DENND4A: variants seen among roughly 807,000 people sequenced by gnomAD.
DENND4A encodes DENN domain containing 4A.
Under a neutral mutation model 199.3 loss-of-function variants are expected in DENND4A, and 70 were observed. That is an observed-to-expected ratio of 0.35 (90% CI 0.29 to 0.43). The LOEUF is 0.43. DENND4A is among the 20% of genes least tolerant of loss of function. DENND4A has a pLI of 1.00. For missense variants in DENND4A, 1,723 were observed against 2,255.8 expected (o/e 0.76, Z 4.78); for synonymous variants, 686 against 766.9 (o/e 0.89, Z 1.74).
In DENND4A at chr15:65,772,074, T is replaced by C. The variant is rs574098349; in HGVS notation, c.-101-10636A>G. The C allele has an allele frequency of 3.5e-5, 42 of 1,194,408 alleles. No homozygotes were observed. In the South Asian group the frequency reaches 3.8e-4, roughly 11 times the overall value. The allele number at this position is 1,194,408 out of a possible 1,614,324, so 74.0% of individuals were successfully genotyped here. ...CAGGAAACGCTGGGCCTTCTCGCGG[T>C]TGCCAGCATTCAGAGCCTCCTGGAC... On this transcript the variant is annotated intron_variant, in intron 1 of 32. Transcript: ENST00000443035.
In DENND4A at chr15:65,702,322, T is replaced by C. The variant is rs370095789; in HGVS notation, c.2413A>G (p.Met805Val). The C allele has an allele frequency of 5.8e-6, 9 of 1,551,842 alleles. No homozygotes were observed. The African/African-American group carries it at 9.6e-5, about 17-fold the overall frequency. The change falls in exon 17 of 33, where the codon ATG (methionine) becomes GTG (valine). Residue 805 changes from methionine (M) to valine (V), a missense_variant. Physicochemically the swap from Met to Val is conservative, Grantham distance 21 (BLOSUM62 1). Coordinates refer to ENST00000443035, the MANE Select transcript of DENND4A (RefSeq NM_001320835.1). ...ATTGTTACCTCATCAGGTGGATCCA[T>C]CTTCTTTGACTGCATTTTTTTAAGC... ...DVLKKMQSKK[M>V]DPPDEVCYRI...
chr15:65,720,778 A>T (rs1434087411), intron 12 of DENND4A, among the ~76,000 whole-genome samples: 1 of 151,398 alleles, frequency 6.6e-6, no homozygotes, highest in South Asian at 2.1e-4. Context: ...AAGCTACTAT[A>T]CGCCTCCTTC....
chr15:65,779,221 C>T (rs1381305151), intron 1 of DENND4A, among the ~76,000 whole-genome samples: 4 of 151,998 alleles, frequency 2.6e-5, no homozygotes, highest in Non-Finnish European at 5.9e-5. Context: ...TTTGGGAGGC[C>T]GAGGCGCGTG....
chr15:65,772,228 A>G, intron 1 of DENND4A: 1 of 587,320 alleles, frequency 1.7e-6, no homozygotes, highest in East Asian at 2.9e-5. Context: ...TAGAGACAGG[A>G]AATCATGACT....
chr15:65,773,618 C>T (rs1018537601), intron 1 of DENND4A, among the ~76,000 whole-genome samples: 8 of 152,122 alleles, frequency 5.3e-5, no homozygotes, highest in Admixed American at 2.0e-4. Flanking sequence ...CATTTCCTTC[C>T]TGGACAGTAT....
At position 65,670,142 on chromosome 15, in the gene DENND4A, A is replaced by G; in HGVS notation, c.4511T>C (p.Val1504Ala). ...GCCAGCCATGATTTCCTCATCATGGACAAGACAATCACAAGTTCTACACCG... is the reference window on the plus strand; with the variant it reads ...GCCAGCCATGATTTCCTCATCATGGGCAAGACAATCACAAGTTCTACACCG... ...CSRCRTCDCL[V>A]HDEEIMAGWT... The change falls in exon 26 of 33, where the codon GTC becomes GCC. Residue 1504 changes from valine to alanine, a missense_variant. Transcript: ENST00000443035. 1 of 1,591,730 alleles carries G rather than the reference A, an allele frequency of 6.3e-7. No homozygotes were observed. Among genetic ancestry groups the G allele is most frequent in the Non-Finnish European group, 8.6e-7 (1 of 1,168,386 alleles).
At chr15:65,700,738 C>T (rs2074839836) in intron 19 of DENND4A, 63 bp from the exon 20 acceptor site, 2 of 1,423,054 alleles carry the variant, frequency 1.4e-6, no homozygotes, top group Admixed American at 6.0e-5. Context: ...TAATTTGTTG[C>T]TCAAGCTAAT....
intron 12 of DENND4A, 140 bp from the exon 13 acceptor site, chr15:65,718,136 T>TA: frequency 3.1e-6 from 2 of 638,298 alleles, no homozygotes; most frequent in Non-Finnish European, 5.2e-6. Flanking sequence ...ACGTAAACCT[T>TA]AGCAAAGCTT....
At chr15:65,680,356 C>T (rs1596411685) in intron 23 of DENND4A, among the ~76,000 whole-genome samples, 2 of 152,176 alleles carry the variant, frequency 1.3e-5, no homozygotes, top group South Asian at 2.1e-4. Flanking sequence ...TCTTTCATTG[C>T]TTTGATGGAT....
chr15:65,748,749 G>T (rs573412749), intron 4 of DENND4A, among the ~76,000 whole-genome samples: 2 of 151,948 alleles, frequency 1.3e-5, no homozygotes, highest in Non-Finnish European at 2.9e-5. Context: ...CAGCACTTTG[G>T]GGGACTGAAG....
intron 1 of DENND4A, among the ~76,000 whole-genome samples, chr15:65,772,439 T>C (rs1272139559): frequency 6.6e-6 from 1 of 152,074 alleles, no homozygotes; most frequent in Non-Finnish European, 1.5e-5. Context: ...CCAGGCACGG[T>C]GGCTCACACC....
intron 11 of DENND4A, chr15:65,726,228 G>C (rs923360447): frequency 7.2e-5 from 11 of 152,182 alleles, no homozygotes; most frequent in Admixed American, 7.2e-4. Context: ...AAAGTGTGGA[G>C]ATTACAGGTA....
intron 14 of DENND4A, among the ~76,000 whole-genome samples, chr15:65,707,396 A>AT (rs766429735): frequency 4.3e-4 from 65 of 152,200 alleles, no homozygotes; most frequent in Non-Finnish European, 3.8e-4. Context: ...AACCTTTAAG[A>AT]TAAGGACTTA....
chr15:65,731,118 T>C (rs1016093574), intron 9 of DENND4A, among the ~76,000 whole-genome samples: 2 of 152,052 alleles, frequency 1.3e-5, no homozygotes, highest in South Asian at 4.1e-4. Context: ...AATCAGACTG[T>C]AACCATTTCT....
chr15:65,701,624 A>G (rs1596472306), intron 18 of DENND4A, 138 bp downstream of exon 18: 1 of 790,586 alleles, frequency 1.3e-6, no homozygotes, highest in African/African-American at 1.8e-5. Context: ...AGAGAACTAA[A>G]GTCTTCCTTG....
intron 7 of DENND4A, among the ~76,000 whole-genome samples, chr15:65,734,632 T>G (rs2076060975): frequency 1.3e-5 from 2 of 152,090 alleles, no homozygotes; most frequent in Non-Finnish European, 2.9e-5. Context: ...ATTAAAGTAC[T>G]CATAATCTAA....
intron 1 of DENND4A, chr15:65,771,258 C>G (rs1356536033): frequency 3.1e-6 from 5 of 1,590,076 alleles, no homozygotes; most frequent in Non-Finnish European, 4.3e-6. Context: ...CGGAGTCGAT[C>G]ACCACGGTAT....
rs527927326 is a variant in DENND4A, at chr15:65,687,888, T to A, written c.4179+2527A>T. On this transcript the variant is annotated intron_variant, in intron 23 of 32. Coordinates refer to ENST00000443035, the MANE Select transcript of DENND4A (RefSeq NM_001320835.1). Reference sequence around the variant, plus strand: ...AAGTGTGGTTTTGAGTTTAATTCTGTCTGTAATTTGCTGAGTCTCTTGTAT... The same window carrying A: ...AAGTGTGGTTTTGAGTTTAATTCTGACTGTAATTTGCTGAGTCTCTTGTAT... 7.2e-5 allele frequency among the ~76,000 whole-genome samples: 11 copies of A among 152,312 alleles called. No individual in the cohort carries two copies. In the East Asian group the frequency reaches 1.9e-3, roughly 27 times the overall value.
At chr15:65,718,760 CTTT>C (rs1038227560) in intron 12 of DENND4A, among the ~76,000 whole-genome samples, 32 of 67,760 alleles carry the variant, frequency 4.7e-4, no homozygotes, top group Admixed American at 7.9e-4. Context: ...GTTTTTTTTC[CTTT>C]TTTTTTTTTT....
Sources: allele counts gnomAD v4.1 joint callset (sites outside exome capture counted in the v4.1 genomes callset), GRCh38; gene constraint gnomAD v4.1.1; transcripts MANE v1.5; gene names NCBI Gene and HGNC (gene_info 2026-07-23, HGNC 2026-07-21).